The following SLC9A9 variants were observed in gnomAD, a reference collection of about 807,000 sequenced individuals.
SLC9A9 encodes the protein solute carrier family 9 member A9, also known as sodium/hydrogen exchanger 9.
In SLC9A9, 62 loss-of-function variants were observed where a neutral mutation model predicts 77.8. The observed-to-expected ratio is 0.80, with a 90% CI of 0.65 to 0.98. The LOEUF (loss-of-function observed/expected upper bound fraction) is 0.98, where lower values mean the gene tolerates loss of function less well. SLC9A9 is among the 50% of genes least tolerant of loss of function. The pLI, the probability that SLC9A9 is intolerant of heterozygous loss-of-function variation, is 0.00. For missense variants in SLC9A9, 775 were observed against 774.9 expected (o/e 1.00, Z 0.00); for synonymous variants, 320 against 283.5 (o/e 1.13, Z -1.29).
chr3:143,684,212 G>A (rs1356886266), intron 5 of SLC9A9, among the ~76,000 whole-genome samples: 1 of 151,760 alleles, frequency 6.6e-6, no homozygotes, highest in Non-Finnish European at 1.5e-5. Context: ...AACTCAATGG[G>A]CCTTTTATAT....
chr3:143,410,431 TTAATAA>T (rs1559903827), intron 12 of SLC9A9, among the ~76,000 whole-genome samples: 1 of 152,194 alleles, frequency 6.6e-6, no homozygotes, highest in Non-Finnish European at 1.5e-5. Flanking sequence ...CTCTCATATA[TTAATAA>T]TATCACCTTC....
intron 8 of SLC9A9, among the ~76,000 whole-genome samples, chr3:143,573,834 G>A (rs574174651): frequency 1.1e-4 from 16 of 152,170 alleles, no homozygotes; most frequent in African/African-American, 3.4e-4. Flanking sequence ...TCTTCAACAC[G>A]CCTCCTGTCC....
intron 6 of SLC9A9, among the ~76,000 whole-genome samples, chr3:143,600,350 A>C (rs1233262722): frequency 6.6e-6 from 1 of 152,208 alleles, no homozygotes; most frequent in Non-Finnish European, 1.5e-5. Context: ...TAGATAAAGA[A>C]AATGTGGCAC....
intron 4 of SLC9A9, among the ~76,000 whole-genome samples, chr3:143,716,548 C>T (rs1007863122): frequency 6.6e-6 from 1 of 152,096 alleles, no homozygotes; most frequent in Non-Finnish European, 1.5e-5. Context: ...TTAGGCAGGA[C>T]TCAGGCAAGT....
At position 143,363,571 on chromosome 3, in the gene SLC9A9, GA is replaced by G; in HGVS notation, c.1525-9del. 2 of 1,610,912 alleles carry G rather than the reference GA, an allele frequency of 1.2e-6. No individual in the cohort carries two copies. Among genetic ancestry groups the G allele is most frequent in the Non-Finnish European group, 1.7e-6 (2 of 1,177,836 alleles). ...ATCCAAGTTATTTGCTTCCTGGGGA[GA>G]AACAATAGAAAAAGGCATTGGGTAA... On this transcript the variant is annotated splice_polypyrimidine_tract_variant and intron_variant, in intron 13 of 15. Coordinates refer to ENST00000316549, the MANE Select transcript of SLC9A9 (RefSeq NM_173653.4).
At chr3:143,317,417 G>A (rs1039331034) in intron 14 of SLC9A9, among the ~76,000 whole-genome samples, 1 of 152,182 alleles carries the variant, frequency 6.6e-6, no homozygotes, top group Non-Finnish European at 1.5e-5. Context: ...TTCCTCTCAG[G>A]TTGGATGTCT....
At chr3:143,810,119 A>G (rs1207378246) in intron 2 of SLC9A9, among the ~76,000 whole-genome samples, 1 of 152,202 alleles carries the variant, frequency 6.6e-6, no homozygotes, top group African/African-American at 2.4e-5. Context: ...GTTCACGAGG[A>G]TGCAGCAAAT....
In SLC9A9 at chr3:143,685,676, C is replaced by T. The variant is rs931537456; in HGVS notation, c.649+7516G>A. Among the ~76,000 whole-genome samples the T allele has an allele frequency of 1.2e-4, 18 of 152,160 alleles. 2 individuals are homozygous for T. In the East Asian group the frequency reaches 3.3e-3, roughly 28 times the overall value. On this transcript the variant is annotated intron_variant, in intron 5 of 15. Coordinates refer to ENST00000316549, the MANE Select transcript of SLC9A9 (RefSeq NM_173653.4). The stretch of plus-strand genomic sequence containing the variant: ...AAGACCTTGGAGGAAATGTCAGTTC[C>T]ATAAATACCAGGATGAGTTTCTGGC...
At chr3:143,805,400 C>T (rs1314751764) in intron 2 of SLC9A9, among the ~76,000 whole-genome samples, 1 of 152,008 alleles carries the variant, frequency 6.6e-6, no homozygotes, top group Admixed American at 6.6e-5. Context: ...CATGCCACCC[C>T]CCAAAAAAAT....
intron 2 of SLC9A9, among the ~76,000 whole-genome samples, chr3:143,825,166 C>A (rs200696542): frequency 6.6e-6 from 1 of 152,138 alleles, no homozygotes; most frequent in South Asian, 2.1e-4. Flanking sequence ...TAAAAAATTT[C>A]TTTTCAGTCC....
chr3:143,434,922 T>C (rs1235507173), intron 12 of SLC9A9, among the ~76,000 whole-genome samples: 1 of 152,158 alleles, frequency 6.6e-6, no homozygotes, highest in Admixed American at 6.5e-5. Context: ...GAGCCCCTTC[T>C]GACCTCCCTG....
At chr3:143,267,691 A>G (rs998987419) in intron 15 of SLC9A9, among the ~76,000 whole-genome samples, 5 of 152,182 alleles carry the variant, frequency 3.3e-5, no homozygotes. Context: ...TCTTCTCAGC[A>G]TATTTCTTGG....
chr3:143,721,703 T>C (rs1441379646), intron 4 of SLC9A9, among the ~76,000 whole-genome samples: 1 of 152,040 alleles, frequency 6.6e-6, no homozygotes, highest in Non-Finnish European at 1.5e-5. Flanking sequence ...CACACGAGCC[T>C]CGGGCAGAAG....
chr3:143,344,304 A>T (rs919848052), intron 14 of SLC9A9, among the ~76,000 whole-genome samples: 1 of 152,190 alleles, frequency 6.6e-6, no homozygotes. Flanking sequence ...ATATCTCTGT[A>T]TTCTCAGGAG....
chr3:143,319,265 C>G (rs2031329767), intron 14 of SLC9A9, among the ~76,000 whole-genome samples: 1 of 152,162 alleles, frequency 6.6e-6, no homozygotes, highest in Admixed American at 6.5e-5. Context: ...CCCAAACAGC[C>G]AGGACACAGG....
intron 9 of SLC9A9, among the ~76,000 whole-genome samples, chr3:143,533,277 G>A (rs1370867288): frequency 1.3e-5 from 2 of 152,286 alleles, no homozygotes; most frequent in South Asian, 4.1e-4. Context: ...ACAAATACAC[G>A]AGCAGACCCA....
chr3:143,599,628 C>G (rs2037811974), intron 6 of SLC9A9, among the ~76,000 whole-genome samples: 1 of 152,076 alleles, frequency 6.6e-6, no homozygotes, highest in Non-Finnish European at 1.5e-5. Flanking sequence ...TATTGAGATG[C>G]AAATGGCGCT....
chr3:143,581,193 T>C (rs988546986), intron 6 of SLC9A9, among the ~76,000 whole-genome samples: 1 of 152,086 alleles, frequency 6.6e-6, no homozygotes, highest in Non-Finnish European at 1.5e-5. Context: ...GGAGAGAGTA[T>C]TCCAGGCAGT....
At chr3:143,703,187 A>T (rs1298300852) in intron 4 of SLC9A9, among the ~76,000 whole-genome samples, 1 of 152,108 alleles carries the variant, frequency 6.6e-6, no homozygotes, top group East Asian at 1.9e-4. Flanking sequence ...CAACAAAGAA[A>T]CATCAGACTT....
Sources: gnomAD v4.1 joint callset for allele counts (sites outside exome capture counted in the v4.1 genomes callset) on GRCh38, gnomAD v4.1.1 for gene constraint, MANE v1.5 for transcripts, NCBI Gene and HGNC (gene_info 2026-07-23, HGNC 2026-07-21) for gene names.